Variants in MCM9 observed in about 807,000 individuals in gnomAD.
MCM9 encodes minichromosome maintenance 9 homologous recombination repair factor, also known as DNA helicase MCM9.
MCM9 carries 55 observed loss-of-function variants against 72.8 expected under a neutral mutation model. That is an observed-to-expected ratio of 0.76 (90% confidence interval 0.61 to 0.95). The LOEUF (loss-of-function observed/expected upper bound fraction) is 0.95, where lower values mean the gene tolerates loss of function less well. Among genes scored for constraint, MCM9 ranks in the 40% least tolerant of loss-of-function variants. The pLI is 0.00. For synonymous variants in MCM9, 480 were observed against 503.4 expected (o/e 0.95, Z 0.62); for missense variants, 1,279 against 1,377.0 (o/e 0.93, Z 1.13).
intron 1 of MCM9, among the ~76,000 whole-genome samples, chr6:118,933,738 G>C (rs1285081694): frequency 6.6e-6 from 1 of 152,070 alleles, no homozygotes; most frequent in Non-Finnish European, 1.5e-5. Flanking sequence ...TATTCCGCAA[G>C]GTGTGAAACG....
At chr6:118,927,606 CA>C (rs559044707) in intron 3 of MCM9, among the ~76,000 whole-genome samples, 2,004 of 124,688 alleles carry the variant, frequency 0.016, 30 homozygotes, top group African/African-American at 0.044. Flanking sequence ...ACTCTTGTCT[CA>C]AAAAAAAAAA....
At chr6:118,895,331 G>A (rs1779318950) in intron 8 of MCM9, among the ~76,000 whole-genome samples, 1 of 152,168 alleles carries the variant, frequency 6.6e-6, no homozygotes, top group Non-Finnish European at 1.5e-5. Context: ...TTCCCCTAAT[G>A]ACGAAAAGCT....
intron 5 of MCM9, chr6:118,918,978 C>G (rs1781197042): frequency 6.6e-6 from 1 of 152,210 alleles, no homozygotes; most frequent in African/African-American, 2.4e-5. Flanking sequence ...AAGTGCTTTA[C>G]AAGTTTCCAA....
intron 9 of MCM9, among the ~76,000 whole-genome samples, chr6:118,844,606 A>G (rs1775731390): frequency 6.6e-6 from 1 of 151,882 alleles, no homozygotes; most frequent in African/African-American, 2.4e-5. Context: ...AATTGGTGAC[A>G]GCTATGATCT....
At chr6:118,871,114 C>T (rs889046883) in intron 8 of MCM9, among the ~76,000 whole-genome samples, 1 of 152,070 alleles carries the variant, frequency 6.6e-6, no homozygotes, top group African/African-American at 2.4e-5. Context: ...CAATATCACA[C>T]TAATACCAAA....
chr6:118,837,521 C>T (rs1775045818), intron 9 of MCM9, among the ~76,000 whole-genome samples: 1 of 152,104 alleles, frequency 6.6e-6, no homozygotes, highest in African/African-American at 2.4e-5. Flanking sequence ...CTGTAGGTCT[C>T]TAAGAACTTG....
intron 8 of MCM9, among the ~76,000 whole-genome samples, chr6:118,886,715 A>T (rs1778630057): frequency 6.6e-6 from 1 of 152,206 alleles, no homozygotes; most frequent in Non-Finnish European, 1.5e-5. Context: ...GCACTTCAAG[A>T]GGCTGAAGTG....
chr6:118,843,355 GCA>G (rs1775529041), intron 9 of MCM9, among the ~76,000 whole-genome samples: 11 of 151,272 alleles, frequency 7.3e-5, no homozygotes, highest in Non-Finnish European at 1.2e-4. Context: ...CTGGCTGGGT[GCA>G]GTGGCTCACA....
intron 13 of MCM9, among the ~76,000 whole-genome samples, chr6:118,819,321 T>C (rs1773631714): frequency 6.6e-6 from 1 of 152,220 alleles, no homozygotes; most frequent in Non-Finnish European, 1.5e-5. Context: ...TGAGAGTTTT[T>C]AGCACGAAGG....
chr6:118,826,190 C>T lies in MCM9; in HGVS notation c.1918G>A (p.Glu640Lys), dbSNP rs1195346601. The T allele has an allele frequency of 1.9e-6, 3 of 1,550,384 alleles. No homozygotes were observed. The Admixed American group carries it at 5.9e-5, about 30-fold the overall frequency. The change falls in exon 13 of 14, where the codon GAG becomes AAG. Residue 640 changes from glutamate (E) to lysine (K), a missense_variant. By Grantham distance (56) the Glu-to-Lys change is moderately conservative. Transcript: ENST00000619706. ...RQCELILEKL[E>K]LQSLLSEELR... ...TCTTCACTCAAGAGGCTCTGCAGCT[C>T]TAGCTTTTCCAGAATAAGTTCACAC...
chr6:118,894,375 A>G (rs1298513048), intron 8 of MCM9: 2 of 1,536,208 alleles, frequency 1.3e-6, no homozygotes, highest in African/African-American at 1.4e-5. Flanking sequence ...TTGTGCCGCA[A>G]CCAGCCCCAG....
intron 8 of MCM9, among the ~76,000 whole-genome samples, chr6:118,869,352 A>T (rs1318262850): frequency 6.6e-6 from 1 of 152,136 alleles, no homozygotes; most frequent in Non-Finnish European, 1.5e-5. Context: ...TGGTACATGT[A>T]TACCTATGAA....
chr6:118,930,251 C>T (rs988196246), intron 3 of MCM9, among the ~76,000 whole-genome samples: 2 of 152,130 alleles, frequency 1.3e-5, no homozygotes, highest in African/African-American at 4.8e-5. Context: ...GCTGGGACTA[C>T]AGGCGCCCGC....
Position 118,828,109 on chromosome 6 carries a change from TTC to T in MCM9, c.1548_1549del (p.Lys517AlafsTer23). 6.4e-7 allele frequency: 1 copy of T among 1,550,388 alleles called. No individual in the cohort carries two copies. The highest frequency in any genetic ancestry group is 1.2e-5 in the South Asian group (1 of 84,048). On this transcript the variant is annotated frameshift_variant, in exon 11 of 14. Coordinates refer to ENST00000619706, the MANE Select transcript of MCM9 (RefSeq NM_017696.3). LOFTEE classifies it high-confidence loss of function. Reference sequence around the variant, plus strand: ...TTTCATCTTTTCCATGCTCCAGAGCTTCTCTGATTTGCTTGGGTAACCTGTAT... The same window carrying T: ...TTTCATCTTTTCCATGCTCCAGAGCTTCTGATTTGCTTGGGTAACCTGTAT...
At chr6:118,894,641 T>C (rs1779220392) in intron 8 of MCM9, 1 of 857,534 alleles carries the variant, frequency 1.2e-6, no homozygotes, top group Non-Finnish European at 1.8e-6. Flanking sequence ...CGGGCTGCTC[T>C]GCGGAGGGAA....
At chr6:118,918,988 A>T (rs1474559551) in intron 5 of MCM9, 1 of 152,250 alleles carries the variant, frequency 6.6e-6, no homozygotes, top group Non-Finnish European at 1.5e-5. Flanking sequence ...CAAGTTTCCA[A>T]GATCTTTCCT....
At position 118,880,191 on chromosome 6, in the gene MCM9, A is replaced by G. The variant is rs568467753; in HGVS notation, c.1151-23646T>C. ...CTAATTAAAAAAAAAAATACAGGGA[A>G]TCGAAATTTTTATATCCTCTGAAAA... On this transcript the variant is annotated intron_variant, in intron 8 of 13. Coordinates refer to ENST00000619706, the MANE Select transcript of MCM9 (RefSeq NM_017696.3). 2.5e-4 allele frequency among the ~76,000 whole-genome samples: 38 copies of G among 152,306 alleles called. No individual in the cohort carries two copies. In the South Asian group the frequency reaches 7.0e-3, roughly 28 times the overall value.
At chr6:118,903,603 T>C (rs1161992043) in intron 8 of MCM9, among the ~76,000 whole-genome samples, 1 of 152,236 alleles carries the variant, frequency 6.6e-6, no homozygotes, top group Non-Finnish European at 1.5e-5. Flanking sequence ...CTATTGATTC[T>C]ACCTTCTGAG....
At chr6:118,836,142 G>C (rs1002250081) in intron 9 of MCM9, among the ~76,000 whole-genome samples, 1 of 152,176 alleles carries the variant, frequency 6.6e-6, no homozygotes. Context: ...TTAAGTGATG[G>C]ATTACGTTTA....
Sources: gnomAD v4.1 joint callset for allele counts (sites outside exome capture counted in the v4.1 genomes callset) on GRCh38, gnomAD v4.1.1 for gene constraint, MANE v1.5 for transcripts, NCBI Gene and HGNC (gene_info 2026-07-23, HGNC 2026-07-21) for gene names.